HECTD2: variants seen among roughly 807,000 people sequenced by gnomAD.
HECTD2 encodes HECT domain E3 ubiquitin protein ligase 2, also known as probable E3 ubiquitin-protein ligase HECTD2.
Under a neutral mutation model 103.2 loss-of-function variants are expected in HECTD2, and 35 were observed. That is an observed-to-expected ratio of 0.34 (90% CI 0.26 to 0.45). The LOEUF (loss-of-function observed/expected upper bound fraction) is 0.45, where lower values mean the gene tolerates loss of function less well. Ranked by LOEUF, HECTD2 falls within the 20% of genes least tolerant of loss-of-function variation. The pLI is 1.00. For missense variants in HECTD2, 596 were observed against 937.4 expected (o/e 0.64, Z 4.76); for synonymous variants, 281 against 329.9 (o/e 0.85, Z 1.61).
rs539284928 is a variant in HECTD2 at position 91,461,799 on chromosome 10, T to C, written c.511-296T>C. ...CCCGACCTCGGGTGATCCTCCCATG[T>C]CAGCCTCCCAAAGTTGCTGGGATTA... On this transcript the variant is annotated intron_variant, in intron 4 of 20. Transcript: ENST00000298068. 2.0e-5 allele frequency among the ~76,000 whole-genome samples: 3 copies of C among 152,300 alleles called. No individual in the cohort carries two copies. In the South Asian group the frequency reaches 6.2e-4, roughly 32 times the overall value.
At chr10:91,418,477 C>T (rs1388454480) in intron 1 of HECTD2, among the ~76,000 whole-genome samples, 4 of 152,014 alleles carry the variant, frequency 2.6e-5, no homozygotes, top group Non-Finnish European at 4.4e-5. Context: ...GAATCCACAT[C>T]CTTATTTCCT....
chr10:91,423,361 A>G (rs1843429367), intron 1 of HECTD2, among the ~76,000 whole-genome samples: 1 of 152,184 alleles, frequency 6.6e-6, no homozygotes, highest in Non-Finnish European at 1.5e-5. Context: ...TAAAGTAGGT[A>G]CTGTAGTAGT....
At chr10:91,445,839 C>G (rs555288864) in intron 2 of HECTD2, among the ~76,000 whole-genome samples, 1 of 152,202 alleles carries the variant, frequency 6.6e-6, no homozygotes, top group African/African-American at 2.4e-5. Flanking sequence ...CCCTGAGGAA[C>G]GGTGCACTCC....
chr10:91,458,469 T>C (rs1019626393), intron 2 of HECTD2, among the ~76,000 whole-genome samples: 5 of 151,972 alleles, frequency 3.3e-5, no homozygotes, highest in African/African-American at 1.2e-4. Context: ...AGAACTGGAA[T>C]GGGTAAAACT....
chr10:91,508,003 G>C (rs1428367234), intron 20 of HECTD2, among the ~76,000 whole-genome samples: 6 of 134,530 alleles, frequency 4.5e-5, no homozygotes, highest in Non-Finnish European at 6.0e-5. Context: ...ACAAACCTGA[G>C]AAAAACAAGC....
chr10:91,430,128 C>T (rs1365710551), intron 2 of HECTD2, among the ~76,000 whole-genome samples: 2 of 152,126 alleles, frequency 1.3e-5, no homozygotes, highest in Non-Finnish European at 2.9e-5. Context: ...GCCTTCATTT[C>T]GTTATGTACC....
chr10:91,491,991 C>G (rs1001388791), intron 12 of HECTD2, among the ~76,000 whole-genome samples: 1 of 152,104 alleles, frequency 6.6e-6, no homozygotes, highest in Admixed American at 6.5e-5. Flanking sequence ...ATTACCAGCT[C>G]ATGCTACCAC....
chr10:91,473,313 A>AAAT (rs1455183617), intron 5 of HECTD2, among the ~76,000 whole-genome samples: 1 of 152,228 alleles, frequency 6.6e-6, no homozygotes, highest in African/African-American at 2.4e-5. Context: ...AATATTTTCA[A>AAAT]AATACTAAAA....
chr10:91,466,701 A>G (rs764770523), intron 5 of HECTD2, among the ~76,000 whole-genome samples: 1 of 152,202 alleles, frequency 6.6e-6, no homozygotes, highest in Non-Finnish European at 1.5e-5. Context: ...GTTCACCCAA[A>G]AACCTGCACA....
At chr10:91,431,009 G>A (rs945140478) in intron 2 of HECTD2, among the ~76,000 whole-genome samples, 7 of 151,384 alleles carry the variant, frequency 4.6e-5, no homozygotes, top group South Asian at 2.1e-4. Context: ...ATTTTGCAGC[G>A]GCTGGTACAG....
chr10:91,488,943 T>C (rs1478009040), intron 11 of HECTD2: 2 of 152,214 alleles, frequency 1.3e-5, no homozygotes, highest in Non-Finnish European at 1.5e-5. Context: ...ATTAGCTGTA[T>C]AGCTACTCAT....
At chr10:91,501,805 GTA>G (rs2133354271) in intron 20 of HECTD2, among the ~76,000 whole-genome samples, 1 of 150,584 alleles carries the variant, frequency 6.6e-6, no homozygotes, top group South Asian at 2.1e-4. Flanking sequence ...CATGCTTTTT[GTA>G]TATGAAGTGA....
chr10:91,497,196 G>A (rs546213233), intron 15 of HECTD2, among the ~76,000 whole-genome samples: 1 of 136,322 alleles, frequency 7.3e-6, no homozygotes, highest in Non-Finnish European at 1.5e-5. Context: ...GGCTGGTCTC[G>A]AACTCATGGC....
intron 2 of HECTD2, among the ~76,000 whole-genome samples, chr10:91,444,246 A>G (rs1214737964): frequency 6.6e-6 from 1 of 152,204 alleles, no homozygotes; most frequent in Non-Finnish European, 1.5e-5. Flanking sequence ...CAGAGCATAT[A>G]TACACAGTTT....
At chr10:91,497,746 A>T (rs1846741829) in intron 15 of HECTD2, among the ~76,000 whole-genome samples, 1 of 152,236 alleles carries the variant, frequency 6.6e-6, no homozygotes, top group Non-Finnish European at 1.5e-5. Context: ...CAAAAACATT[A>T]GCAGATTTTC....
rs747850033 is a variant in HECTD2 at position 91,473,103 on chromosome 10, C to T, written c.601-5098C>T. Among the ~76,000 whole-genome samples, 8 of 151,996 alleles carry T rather than the reference C, an allele frequency of 5.3e-5. 1 individual carries two copies. Among genetic ancestry groups the T allele is most frequent in the Admixed American group, 2.6e-4 (4 of 15,254 alleles). ...GGAGTTTCCCATAACTGATGTAAGA[C>T]GTGAATCCACAAATAACAGGGGAAA... On this transcript the variant is annotated intron_variant, in intron 5 of 20. Transcript: ENST00000298068.
Position 91,438,765 on chromosome 10 carries a change from C to T in HECTD2, c.268+13355C>T, listed in dbSNP as rs550117585. ...TTGTTTCCTGACTTTTTACTGATCG[C>T]CATTCTAACTGGCATGAGATGGTAT... is the stretch of plus-strand genomic sequence containing the variant. On this transcript the variant is annotated intron_variant, in intron 2 of 20. Transcript: ENST00000298068. Among the ~76,000 whole-genome samples, 43 of 152,264 alleles carry T rather than the reference C, an allele frequency of 2.8e-4. No individual in the cohort carries two copies. The South Asian group carries it at 2.9e-3, about 10-fold the overall frequency.
intron 6 of HECTD2, among the ~76,000 whole-genome samples, chr10:91,480,893 A>G (rs1342969977): frequency 6.6e-6 from 1 of 152,020 alleles, no homozygotes; most frequent in Non-Finnish European, 1.5e-5. Context: ...GTCTTTAGTT[A>G]TCTTCAGAAT....
At chr10:91,423,906 A>T (rs958998128) in intron 1 of HECTD2, among the ~76,000 whole-genome samples, 7 of 152,200 alleles carry the variant, frequency 4.6e-5, no homozygotes, top group Non-Finnish European at 1.0e-4. Context: ...TTAGAAGAAT[A>T]AATAAGAATG....
Sources: allele counts gnomAD v4.1 joint callset (sites outside exome capture counted in the v4.1 genomes callset), GRCh38; gene constraint gnomAD v4.1.1; transcripts MANE v1.5; gene names NCBI Gene and HGNC (gene_info 2026-07-23, HGNC 2026-07-21).